The following MPRIP variants were observed in gnomAD, a reference collection of about 807,000 sequenced individuals.
MPRIP encodes the protein myosin phosphatase Rho-interacting protein.
Under a neutral mutation model 234.9 loss-of-function variants are expected in MPRIP, and 59 were observed. That is an observed-to-expected ratio of 0.25 (90% CI 0.20 to 0.31). MPRIP has a LOEUF of 0.31. Among genes scored for constraint, MPRIP ranks in the 10% least tolerant of loss-of-function variants. The pLI is 1.00. For missense variants in MPRIP, 2,436 were observed against 3,071.0 expected (o/e 0.79, Z 4.89); for synonymous variants, 1,144 against 1,263.9 (o/e 0.91, Z 2.01).
chr17:17,064,618 A>G (rs566790374), intron 1 of MPRIP, among the ~76,000 whole-genome samples: 1 of 152,326 alleles, frequency 6.6e-6, no homozygotes, highest in African/African-American at 2.4e-5. Flanking sequence ...TGACATTTCA[A>G]GAATGTTATG....
chr17:17,095,172 A>G (rs1370756225), intron 3 of MPRIP, among the ~76,000 whole-genome samples: 1 of 152,038 alleles, frequency 6.6e-6, no homozygotes, highest in Non-Finnish European at 1.5e-5. Flanking sequence ...TGGGTGCAGT[A>G]CTTTCTCTAA....
At chr17:17,143,460 C>T in intron 8 of MPRIP, 96 bp from the exon 9 acceptor site, 1 of 734,922 alleles carries the variant, frequency 1.4e-6, no homozygotes, top group Non-Finnish European at 2.1e-6. Context: ...GGAGCAAGGC[C>T]CTGGCGGCTC....
Position 17,108,555 on chromosome 17 carries a change from A to G in MPRIP, c.268-18147A>G, listed in dbSNP as rs543832242. Among the ~76,000 whole-genome samples, 8 of 152,218 alleles carry G rather than the reference A, an allele frequency of 5.3e-5. No individual in the cohort carries two copies. The South Asian group carries it at 1.2e-3, about 24-fold the overall frequency. ...TTTTGAAATCTTCCCAGGTGATTAC[A>G]TTATTCAGCAAAAGTTTGGAACCAT... On this transcript the variant is annotated intron_variant, in intron 3 of 23. Coordinates refer to ENST00000651222, the MANE Select transcript of MPRIP (RefSeq NM_001364716.4).
chr17:17,046,009 G>C (rs1039177234), intron 1 of MPRIP, among the ~76,000 whole-genome samples: 3 of 152,148 alleles, frequency 2.0e-5, no homozygotes, highest in Non-Finnish European at 2.9e-5. Flanking sequence ...GTTTCACTGT[G>C]TTAGCCAGGA....
At chr17:17,176,048 C>G (rs992986665) in intron 20 of MPRIP, among the ~76,000 whole-genome samples, 3 of 152,180 alleles carry the variant, frequency 2.0e-5, no homozygotes, top group African/African-American at 7.2e-5. Context: ...GTGCCTGTGC[C>G]TTGTACTAAA....
At chr17:17,135,320 G>T (rs113276184) in intron 5 of MPRIP, among the ~76,000 whole-genome samples, 16 of 152,348 alleles carry the variant, frequency 1.1e-4, no homozygotes, top group African/African-American at 3.8e-4. Flanking sequence ...AGAGATTGGG[G>T]ATTGACACCT....
Position 17,150,186 on chromosome 17 carries a change from G to A in MPRIP, c.1672G>A (p.Asp558Asn), listed in dbSNP as rs144918812. Residue 558 changes from aspartate to asparagine, a missense_variant, in exon 12 of 24, where the codon GAT becomes AAT. Transcript: ENST00000651222. ...AGAAATTGACTTGTCCGCATGTTAC[G>A]ATGTCACAGAGTATCCAGTTCAGAG... ...DGEIDLSACY[D>N]VTEYPVQRNY... The A allele has an allele frequency of 1.9e-5, 31 of 1,613,694 alleles. No homozygotes were observed. The highest frequency in any genetic ancestry group is 1.5e-4 in the African/African-American group (11 of 75,024).
Position 17,166,856 on chromosome 17 carries a change from C to T in MPRIP, c.5265C>T (p.Gly1755=). ...TGAGCCCCTTAGGAGAAGTCCTGGG[C>T]CGAGACTCAGACAGCTCTCAGGAGC... ...WDLSPLGEVL[G]RDSDSSQEPF... Residue 1755 remains glycine (G), a synonymous_variant, in exon 16 of 24, where the codon GGC becomes GGT. Transcript: ENST00000651222. The surrounding 1 kb of genome is among the most constrained non-coding windows in gnomAD (Gnocchi z 4.4). 7.7e-7 allele frequency: 1 copy of T among 1,304,172 alleles called. No individual in the cohort carries two copies. Among genetic ancestry groups the T allele is most frequent in the South Asian group, 1.2e-5 (1 of 81,030 alleles). 80.8% of individuals were successfully genotyped at this position (1,304,172 alleles called of 1,614,324 possible). A position where few individuals can be genotyped will look rare whatever the true frequency, so the allele number is the denominator to read the frequency against.
intron 1 of MPRIP, among the ~76,000 whole-genome samples, chr17:17,068,554 G>A (rs1038122596): frequency 1.4e-5 from 2 of 147,806 alleles, no homozygotes; most frequent in South Asian, 2.1e-4. Flanking sequence ...TTTTTGAGAC[G>A]AAGTCTCACT....
chr17:17,052,070 G>A (rs768083025), intron 1 of MPRIP, among the ~76,000 whole-genome samples: 3 of 152,254 alleles, frequency 2.0e-5, no homozygotes, highest in Non-Finnish European at 2.9e-5. Flanking sequence ...GTGGCAGCAA[G>A]GCCTCCCTCG....
chr17:17,165,629 A>T lies in MPRIP; in HGVS notation c.4038A>T (p.Thr1346=), dbSNP rs764043253. Residue 1346 remains threonine (T), a synonymous_variant, in exon 16 of 24, where the codon ACA becomes ACT. Transcript: ENST00000651222. The part of the protein sequence containing the change: ...EGSEKTWTSS[T]SSDTSQDRSP... Reference sequence around the variant, plus strand: ...CTGAGAAGACCTGGACCAGCAGCACATCTTCCGACACCAGCCAGGACCGGT... The same window carrying T: ...CTGAGAAGACCTGGACCAGCAGCACTTCTTCCGACACCAGCCAGGACCGGT... 7.7e-7 allele frequency: 1 copy of T among 1,304,820 alleles called. No individual in the cohort carries two copies. The highest frequency in any genetic ancestry group is 1.0e-6 in the Non-Finnish European group (1 of 989,052). 80.8% of individuals were successfully genotyped at this position (1,304,820 alleles called of 1,614,324 possible).
intron 1 of MPRIP, among the ~76,000 whole-genome samples, chr17:17,057,442 G>C (rs2088734550): frequency 6.6e-6 from 1 of 152,212 alleles, no homozygotes; most frequent in African/African-American, 2.4e-5. Context: ...AGGGCTGTGG[G>C]GCATGGGAGC....
At chr17:17,155,153 G>T (rs1347094337) in intron 13 of MPRIP, among the ~76,000 whole-genome samples, 1 of 152,182 alleles carries the variant, frequency 6.6e-6, no homozygotes, top group East Asian at 1.9e-4. Flanking sequence ...ATGTGATGTA[G>T]ATTACATCTC....
intron 1 of MPRIP, among the ~76,000 whole-genome samples, chr17:17,053,357 T>A (rs1376299639): frequency 6.6e-6 from 1 of 152,006 alleles, no homozygotes; most frequent in Non-Finnish European, 1.5e-5. Flanking sequence ...TGGCTTTGGG[T>A]CCTGATGAGG....
rs556341667 is a variant in MPRIP, at chr17:17,167,797, G to A, written c.6206G>A (p.Arg2069His). The A allele has an allele frequency of 1.0e-5, 13 of 1,304,210 alleles. No homozygotes were observed. Among genetic ancestry groups the A allele is most frequent in the African/African-American group, 1.5e-5 (1 of 65,980 alleles). 80.8% of individuals were successfully genotyped at this position (1,304,210 alleles called of 1,614,324 possible). The change falls in exon 16 of 24, where the codon CGC becomes CAC. Residue 2069 changes from arginine (R) to histidine (H), a missense_variant. Arg to His is a conservative substitution (Grantham distance 29). Transcript: ENST00000651222. The surrounding 1 kb of genome is among the most constrained non-coding windows in gnomAD (Gnocchi z 5.9). ...EADSMTGLRE[R>H]IQELEAQMDV... The stretch of plus-strand genomic sequence containing the variant: ...GACTCCATGACGGGGCTGAGGGAGC[G>A]CATCCAGGAGCTGGAGGCCCAGATG...
At chr17:17,056,152 G>A (rs187164704) in intron 1 of MPRIP, among the ~76,000 whole-genome samples, 1 of 152,220 alleles carries the variant, frequency 6.6e-6, no homozygotes, top group Admixed American at 6.5e-5. Flanking sequence ...GTGCGGGGAA[G>A]GGTGGGGCTG....
chr17:17,057,835 C>G (rs1307687259), intron 1 of MPRIP: 1 of 625,054 alleles, frequency 1.6e-6, no homozygotes, highest in Non-Finnish European at 2.9e-6. Flanking sequence ...CGCTGATATA[C>G]TCTAATACTT....
chr17:17,179,668 G>C (rs2046331952), intron 22 of MPRIP: 1 of 202,896 alleles, frequency 4.9e-6, no homozygotes, highest in Non-Finnish European at 9.8e-6. Flanking sequence ...ATGGATAATG[G>C]GGGTAGGGGT....
At chr17:17,071,485 C>T (rs897608613) in intron 1 of MPRIP, among the ~76,000 whole-genome samples, 1 of 152,134 alleles carries the variant, frequency 6.6e-6, no homozygotes, top group Admixed American at 6.5e-5. Context: ...CTTTCAGAGT[C>T]TTCTCATGTT....
Sources: gnomAD v4.1 joint callset for allele counts (sites outside exome capture counted in the v4.1 genomes callset) on GRCh38, gnomAD v4.1.1 for gene constraint, Gnocchi (gnomAD v3.1) non-coding constraint, MANE v1.5 for transcripts, NCBI Gene and HGNC (gene_info 2026-07-23, HGNC 2026-07-21) for gene names.